The following CAMK1D variants were observed in gnomAD, a reference collection of about 807,000 sequenced individuals.
CAMK1D encodes the protein calcium/calmodulin dependent protein kinase ID, also known as calcium/calmodulin-dependent protein kinase type 1D.
A neutral mutation model predicts 47.7 loss-of-function variants in CAMK1D; 9 were observed. The ratio of observed to expected loss-of-function variants is 0.19; its 90% CI spans 0.11 to 0.33. The LOEUF is 0.33. Among genes scored for constraint, CAMK1D ranks in the 10% least tolerant of loss-of-function variants. CAMK1D has a pLI of 1.00. For missense variants in CAMK1D, 291 were observed against 488.7 expected, an observed-to-expected ratio of 0.60 and a Z score of 3.81; for synonymous variants, 184 against 184.9, an observed-to-expected ratio of 0.99 and a Z score of 0.04.
rs1320717845 is a variant in CAMK1D at position 12,691,132 on chromosome 10, C to T, written c.299+24322C>T. ...CAAAGAGGGTATCTGGAAACTTGCT[C>T]TTTCTTTCCCTCAACTTACTGAAGA... On this transcript the variant is annotated intron_variant, in intron 3 of 10. Coordinates refer to ENST00000619168, the MANE Select transcript of CAMK1D (RefSeq NM_153498.4). Among the ~76,000 whole-genome samples, 4 of 152,014 alleles carry T rather than the reference C, an allele frequency of 2.6e-5. No homozygotes were observed. The East Asian group carries it at 7.8e-4, about 29-fold the overall frequency.
chr10:12,625,211 C>T lies in CAMK1D; in HGVS notation c.225-41525C>T, dbSNP rs1052792959. 2.0e-5 allele frequency among the ~76,000 whole-genome samples: 3 copies of T among 149,600 alleles called. No homozygotes were observed. In the Admixed American group the frequency reaches 2.0e-4, roughly 10 times the overall value. On this transcript the variant is annotated intron_variant, in intron 2 of 10. Coordinates refer to ENST00000619168, the MANE Select transcript of CAMK1D (RefSeq NM_153498.4). ...ATGAACTGGGCGTGGTGGTGCATGC[C>T]TGTAATCCCAGCTACTTAGGAGGCT...
chr10:12,438,240 G>T lies in CAMK1D; in HGVS notation c.92+88330G>T, dbSNP rs2768364. Among the ~76,000 whole-genome samples the T allele has an allele frequency of 2.6e-5, 4 of 151,898 alleles. No individual in the cohort carries two copies. The East Asian group carries it at 5.8e-4, about 22-fold the overall frequency. ...AGGTGTCTGAAGTCGTGGGTCCTTC[G>T]CCTTGAGCTTGGGACCTTTTCCTTT... On this transcript the variant is annotated intron_variant, in intron 1 of 10. Transcript: ENST00000619168.
At chr10:12,536,623 C>A (rs1835979808) in intron 1 of CAMK1D, among the ~76,000 whole-genome samples, 1 of 152,140 alleles carries the variant, frequency 6.6e-6, no homozygotes, top group Admixed American at 6.5e-5. Flanking sequence ...CCAGAGGCAA[C>A]CTTTACTCGA....
intron 1 of CAMK1D, among the ~76,000 whole-genome samples, chr10:12,402,101 G>A (rs754300231): frequency 6.6e-6 from 1 of 150,750 alleles, no homozygotes; most frequent in African/African-American, 2.4e-5. Flanking sequence ...ATGGAGTCTC[G>A]CTCTGTCGCC....
chr10:12,798,297 T>C (rs1332609817), intron 6 of CAMK1D, among the ~76,000 whole-genome samples: 3 of 152,252 alleles, frequency 2.0e-5, no homozygotes, highest in African/African-American at 7.2e-5. Flanking sequence ...ATCCATTCAC[T>C]TAACTCACTT....
intron 1 of CAMK1D, among the ~76,000 whole-genome samples, chr10:12,357,758 G>A (rs562402396): frequency 1.3e-5 from 2 of 152,300 alleles, no homozygotes; most frequent in South Asian, 4.1e-4. Context: ...CGTGGACTCC[G>A]GGAAAGATTC....
chr10:12,391,551 A>G (rs1838734972), intron 1 of CAMK1D, among the ~76,000 whole-genome samples: 1 of 152,156 alleles, frequency 6.6e-6, no homozygotes, highest in Admixed American at 6.5e-5. Context: ...TAAGTACTGA[A>G]TATTTTCCTG....
chr10:12,777,653 C>T (rs935635980), intron 5 of CAMK1D, among the ~76,000 whole-genome samples: 2 of 152,164 alleles, frequency 1.3e-5, no homozygotes, highest in Non-Finnish European at 2.9e-5. Context: ...GGATTACAGG[C>T]GTGAGCCACC....
intron 1 of CAMK1D, among the ~76,000 whole-genome samples, chr10:12,548,475 G>T (rs1836472681): frequency 7.1e-6 from 1 of 140,442 alleles, no homozygotes; most frequent in African/African-American, 2.6e-5. Flanking sequence ...TTTTTGCTGG[G>T]GGAGGAGGGG....
intron 3 of CAMK1D, among the ~76,000 whole-genome samples, chr10:12,687,878 A>G (rs867286036): frequency 6.6e-6 from 1 of 152,200 alleles, no homozygotes; most frequent in South Asian, 2.1e-4. Context: ...CTTCCTCCCA[A>G]GGTTCTCAAG....
chr10:12,377,781 T>C (rs1424926269), intron 1 of CAMK1D, among the ~76,000 whole-genome samples: 2 of 152,220 alleles, frequency 1.3e-5, no homozygotes, highest in African/African-American at 4.8e-5. Context: ...TTAAGACAGA[T>C]GATCTGGCAT....
chr10:12,395,803 G>A (rs1159587391), intron 1 of CAMK1D, among the ~76,000 whole-genome samples: 4 of 151,678 alleles, frequency 2.6e-5, no homozygotes, highest in South Asian at 2.1e-4. Flanking sequence ...GGTGCGTGCC[G>A]GTAGTTCCAG....
At chr10:12,814,371 A>G (rs1832720304) in intron 7 of CAMK1D, 64 bp downstream of exon 7, 8 of 1,031,194 alleles carry the variant, frequency 7.8e-6, no homozygotes, top group Non-Finnish European at 1.2e-5. Context: ...AGACCACGTG[A>G]CCCTGACAGG....
At chr10:12,555,875 G>A (rs1836744506) in intron 2 of CAMK1D, among the ~76,000 whole-genome samples, 1 of 152,172 alleles carries the variant, frequency 6.6e-6, no homozygotes, top group South Asian at 2.1e-4. Context: ...AGAGGCCATG[G>A]ATGCAGGCTT....
intron 1 of CAMK1D, among the ~76,000 whole-genome samples, chr10:12,389,953 G>C (rs959608262): frequency 2.0e-5 from 3 of 151,978 alleles, no homozygotes; most frequent in Non-Finnish European, 4.4e-5. Flanking sequence ...TTTTTCCTGT[G>C]GGTCATCTTT....
chr10:12,506,224 G>GC (rs1265391113), intron 1 of CAMK1D, among the ~76,000 whole-genome samples: 3 of 152,082 alleles, frequency 2.0e-5, no homozygotes, highest in African/African-American at 7.2e-5. Flanking sequence ...TTCGAGACCA[G>GC]CCTGGCCAAC....
intron 3 of CAMK1D, among the ~76,000 whole-genome samples, chr10:12,747,368 C>T (rs1835733737): frequency 1.3e-5 from 2 of 152,188 alleles, no homozygotes; most frequent in South Asian, 4.1e-4. Context: ...TGGAGTGCTG[C>T]AATCATAGCT....
chr10:12,412,693 C>CA (rs571912414), intron 1 of CAMK1D, among the ~76,000 whole-genome samples: 2,232 of 45,118 alleles, frequency 0.049, 328 homozygotes, highest in African/African-American at 0.15. Context: ...GAGACGCCAT[C>CA]AAAAAAAAAA....
chr10:12,770,954 T>C (rs1837011916), intron 5 of CAMK1D, among the ~76,000 whole-genome samples: 1 of 152,060 alleles, frequency 6.6e-6, no homozygotes, highest in South Asian at 2.1e-4. Context: ...GGTAGGGTAC[T>C]GAATCTAGCT....
Sources: gnomAD v4.1 joint callset for allele counts (sites outside exome capture counted in the v4.1 genomes callset) on GRCh38, gnomAD v4.1.1 for gene constraint, MANE v1.5 for transcripts, NCBI Gene and HGNC (gene_info 2026-07-23, HGNC 2026-07-21) for gene names.